Variants in R3HDM1 observed in about 807,000 individuals in gnomAD.
R3HDM1 encodes R3H domain containing 1, also known as R3H domain-containing protein 1.
A neutral mutation model predicts 141.1 loss-of-function variants in R3HDM1; 46 were observed. The observed-to-expected ratio is 0.33, with a 90% CI of 0.26 to 0.42. The LOEUF (loss-of-function observed/expected upper bound fraction) is 0.42. R3HDM1 is among the 10% of genes least tolerant of loss of function. The pLI is 1.00. For synonymous variants in R3HDM1, 435 were observed against 472.9 expected (o/e 0.92, Z 1.04); for missense variants, 1,184 against 1,368.3 (o/e 0.87, Z 2.12).
chr2:135,581,427 A>G (rs1706775526), intron 1 of R3HDM1: 1 of 970,798 alleles, frequency 1.0e-6, no homozygotes, highest in South Asian at 4.8e-5. Flanking sequence ...TTGAGGCTGG[A>G]ACTTTGGATA....
At chr2:135,667,155 G>T (rs2067645762) in intron 19 of R3HDM1, 1 of 970,420 alleles carries the variant, frequency 1.0e-6, no homozygotes, top group Non-Finnish European at 1.2e-6. Context: ...GCCTGTTAAT[G>T]CCTGTTCAAT....
At chr2:135,718,074 AAAT>A (rs2076343715) in intron 24 of R3HDM1, among the ~76,000 whole-genome samples, 1 of 152,226 alleles carries the variant, frequency 6.6e-6, no homozygotes, top group Non-Finnish European at 1.5e-5. Context: ...GTTAACCAAA[AAAT>A]AAGACAAAAA....
In R3HDM1 at chr2:135,576,419, TTAATA is replaced by T. The variant is rs538103655; in HGVS notation, c.-249-26080_-249-26076del. ...AATCACTGAGGTAGAAATTGGCTTT[TTAATA>T]AATGGTACCGATATATCTGAATGTC... is the stretch of plus-strand genomic sequence containing the variant. On this transcript the variant is annotated intron_variant, in intron 1 of 26. Coordinates refer to ENST00000683871, the MANE Select transcript of R3HDM1 (RefSeq NM_001378107.1). Among the ~76,000 whole-genome samples, 82 of 152,208 alleles carry T rather than the reference TTAATA, an allele frequency of 5.4e-4. 1 individual carries two copies. Among genetic ancestry groups the T allele is most frequent in the African/African-American group, 1.9e-3 (77 of 41,542 alleles).
In R3HDM1 at chr2:135,641,516, T is replaced by A; in HGVS notation, c.1220-20T>A. On this transcript the variant is annotated intron_variant, in intron 14 of 26. Coordinates refer to ENST00000683871, the MANE Select transcript of R3HDM1 (RefSeq NM_001378107.1). ...ATATGAGGTTTAAAAAATCCATATT[T>A]TTCATTACTCCTCTTCTAGGTTCTG... 1 of 1,571,776 alleles carries A rather than the reference T, an allele frequency of 6.4e-7. No individual in the cohort carries two copies. The highest frequency in any genetic ancestry group is 8.6e-7 in the Non-Finnish European group (1 of 1,164,660).
Position 135,551,384 on chromosome 2 carries a change from G to A in R3HDM1, c.-250+19751G>A, listed in dbSNP as rs1015109578. ...GGTATTAAGTAGTTTAAAACTATTCGGGACCATTTAGCACAGAATAAATTG... is the reference window on the plus strand; with the variant it reads ...GGTATTAAGTAGTTTAAAACTATTCAGGACCATTTAGCACAGAATAAATTG... On this transcript the variant is annotated intron_variant, in intron 1 of 26. Coordinates refer to ENST00000683871, the MANE Select transcript of R3HDM1 (RefSeq NM_001378107.1). 3.9e-5 allele frequency among the ~76,000 whole-genome samples: 6 copies of A among 152,052 alleles called. No homozygotes were observed. In the East Asian group the frequency reaches 5.8e-4, roughly 15 times the overall value.
chr2:135,713,920 C>T (rs577820532), intron 23 of R3HDM1, among the ~76,000 whole-genome samples: 6 of 151,750 alleles, frequency 4.0e-5, no homozygotes, highest in Admixed American at 2.6e-4. Context: ...TTCATGAGTC[C>T]ATACTGATAA....
chr2:135,610,546 G>A (rs1366193891), intron 3 of R3HDM1, among the ~76,000 whole-genome samples: 1 of 152,128 alleles, frequency 6.6e-6, no homozygotes, highest in Non-Finnish European at 1.5e-5. Context: ...GTTAATTCCA[G>A]TGCATTTCTT....
intron 21 of R3HDM1, among the ~76,000 whole-genome samples, chr2:135,693,800 G>T (rs1182565553): frequency 6.6e-6 from 1 of 152,102 alleles, no homozygotes; most frequent in African/African-American, 2.4e-5. Context: ...CTGAGGTCAG[G>T]AGTTCAAGAC....
chr2:135,561,667 A>G (rs891030312), intron 1 of R3HDM1, among the ~76,000 whole-genome samples: 2 of 152,082 alleles, frequency 1.3e-5, no homozygotes, highest in African/African-American at 2.4e-5. Flanking sequence ...GTAGCGAGCC[A>G]CCATAGAACC....
chr2:135,704,139 C>T (rs1185195126), intron 21 of R3HDM1, among the ~76,000 whole-genome samples: 2 of 152,180 alleles, frequency 1.3e-5, no homozygotes, highest in Admixed American at 1.3e-4. Flanking sequence ...CACCACCACG[C>T]CCAGCTAATT....
intron 3 of R3HDM1, chr2:135,608,091 G>A (rs569130666): frequency 1.7e-4 from 89 of 529,132 alleles, no homozygotes; most frequent in African/African-American, 1.5e-3. Context: ...CAAGGTGGGC[G>A]GGTCACAAGG....
At chr2:135,690,567 C>T (rs1169143096) in intron 21 of R3HDM1, among the ~76,000 whole-genome samples, 1 of 152,036 alleles carries the variant, frequency 6.6e-6, no homozygotes, top group Non-Finnish European at 1.5e-5. Context: ...GCACTGATAA[C>T]CTATGTATGA....
At chr2:135,622,316 T>A (rs958560327) in intron 6 of R3HDM1, 2 of 984,750 alleles carry the variant, frequency 2.0e-6, no homozygotes, top group African/African-American at 3.5e-5. Flanking sequence ...ATCATTTAAA[T>A]TTTTCACCCA....
intron 24 of R3HDM1, 50 bp downstream of exon 24, chr2:135,715,744 T>G: frequency 1.3e-6 from 2 of 1,557,862 alleles, no homozygotes; most frequent in Non-Finnish European, 1.7e-6. Context: ...AAGACATCCA[T>G]TCCCAGTCAC....
chr2:135,618,741 A>C (rs552658812), intron 5 of R3HDM1, among the ~76,000 whole-genome samples: 1 of 152,156 alleles, frequency 6.6e-6, no homozygotes, highest in African/African-American at 2.4e-5. Context: ...TCTTTTGGCC[A>C]GGGACAGTGG....
intron 1 of R3HDM1, among the ~76,000 whole-genome samples, chr2:135,550,938 A>G (rs1460511835): frequency 3.3e-5 from 5 of 152,256 alleles, no homozygotes; most frequent in Non-Finnish European, 5.9e-5. Context: ...TAATGTTCTT[A>G]GAATTGTTAG....
intron 1 of R3HDM1, among the ~76,000 whole-genome samples, chr2:135,549,492 C>T (rs963292280): frequency 1.4e-5 from 2 of 140,712 alleles, no homozygotes; most frequent in African/African-American, 2.7e-5. Flanking sequence ...ACTCGGGAGG[C>T]GGATATTGCA....
intron 21 of R3HDM1, among the ~76,000 whole-genome samples, chr2:135,680,662 C>T (rs1338311417): frequency 2.6e-5 from 4 of 152,110 alleles, no homozygotes; most frequent in Non-Finnish European, 4.4e-5. Context: ...CGCAACTGCT[C>T]GGGAGGCTGA....
intron 3 of R3HDM1, among the ~76,000 whole-genome samples, chr2:135,612,498 CA>C (rs775230103): frequency 2.0e-5 from 3 of 151,900 alleles, no homozygotes; most frequent in Non-Finnish European, 4.4e-5. Context: ...TTCAGTTCTC[CA>C]AATTCTAGTA....
Sources: gnomAD v4.1 joint callset for allele counts (sites outside exome capture counted in the v4.1 genomes callset) on GRCh38, gnomAD v4.1.1 for gene constraint, MANE v1.5 for transcripts, NCBI Gene and HGNC (gene_info 2026-07-23, HGNC 2026-07-21) for gene names.